RNF126: variants seen among roughly 807,000 people sequenced by gnomAD.
The protein encoded by RNF126 is E3 ubiquitin-protein ligase RNF126.
A neutral mutation model predicts 41.9 loss-of-function variants in RNF126; 20 were observed. The observed-to-expected ratio is 0.48, with a 90% confidence interval of 0.34 to 0.69. The LOEUF is 0.69. Ranked by LOEUF, RNF126 falls within the 30% of genes least tolerant of loss-of-function variation. The pLI is 0.01. For missense variants in RNF126, 433 were observed against 460.6 expected, an observed-to-expected ratio of 0.94 and a Z score of 0.55; for synonymous variants, 239 against 202.9, an observed-to-expected ratio of 1.18 and a Z score of -1.51.
At chr19:661,577 CTCTT>C (rs2030803664) in intron 1 of RNF126, among the ~76,000 whole-genome samples, 1 of 152,164 alleles carries the variant, frequency 6.6e-6, no homozygotes, top group Admixed American at 6.5e-5. Flanking sequence ...CCACACCTCT[CTCTT>C]TCCACTCCTG....
intron 2 of RNF126, 86 bp from the exon 3 acceptor site, chr19:652,382 G>C: frequency 8.2e-7 from 1 of 1,217,406 alleles, no homozygotes; most frequent in Non-Finnish European, 1.1e-6. Context: ...CCTATGTTGG[G>C]AGAGCAGGAA....
intron 1 of RNF126, among the ~76,000 whole-genome samples, chr19:656,071 G>C (rs543501560): frequency 7.9e-5 from 12 of 152,260 alleles, no homozygotes; most frequent in African/African-American, 2.9e-4. Flanking sequence ...GCAGGGCTGA[G>C]GTGGGTTCTT....
Position 652,103 on chromosome 19 carries a change from C to T in RNF126, c.198+130G>A, listed in dbSNP as rs189679508. 4.1e-4 allele frequency: 341 copies of T among 837,682 alleles called. No homozygotes were observed. In the East Asian group the frequency reaches 7.9e-3, roughly 19 times the overall value. 51.9% of individuals were successfully genotyped at this position (837,682 alleles called of 1,614,324 possible). A position where few individuals can be genotyped will look rare whatever the true frequency, so the allele number is the denominator to read the frequency against. ...GGGCCGCCCCAATCCCTGGCCCGGG[C>T]CCCTGGAGGGAAAAATTTCCTCCGC... On this transcript the variant is annotated intron_variant, in intron 3 of 8. Transcript: ENST00000292363.
Position 647,757 on chromosome 19 carries a change from T to C in RNF126, c.*371A>G. Reference sequence around the variant, plus strand: ...GCCGCTGAACCCCGTGCTTCAGCGCTGGGGGAGCCGCTGGGCCCCGTCTTC... The same window carrying C: ...GCCGCTGAACCCCGTGCTTCAGCGCCGGGGGAGCCGCTGGGCCCCGTCTTC... On this transcript the variant is annotated 3_prime_UTR_variant, in exon 9 of 9. Coordinates refer to ENST00000292363, the MANE Select transcript of RNF126 (RefSeq NM_194460.3). The C allele has an allele frequency of 2.9e-6, 1 of 341,880 alleles. No homozygotes were observed. The highest frequency in any genetic ancestry group is 5.7e-6 in the Non-Finnish European group (1 of 176,630). The allele number at this position is 341,880 out of a possible 1,614,324, so 21.2% of individuals were successfully genotyped here.
At position 648,094 on chromosome 19, in the gene RNF126, A is replaced by G. The variant is rs1390116419; in HGVS notation, c.*34T>C. 13 of 1,526,656 alleles carry G rather than the reference A, an allele frequency of 8.5e-6. No homozygotes were observed. The Admixed American group carries it at 2.5e-4, about 30-fold the overall frequency. The allele number at this position is 1,526,656 out of a possible 1,614,324, so 94.6% of individuals were successfully genotyped here. On this transcript the variant is annotated 3_prime_UTR_variant, in exon 9 of 9. Coordinates refer to ENST00000292363, the MANE Select transcript of RNF126 (RefSeq NM_194460.3). ...TGGCGCTGGCTGAGGGTGGGTGGGA[A>G]AGGCCCCGTGCTTTCCCGACGGCCG...
In RNF126 at chr19:652,877, A is replaced by T. The variant is rs751376878; in HGVS notation, c.83T>A (p.Ile28Asn). 8.7e-6 allele frequency: 14 copies of T among 1,612,628 alleles called. No homozygotes were observed. Among genetic ancestry groups the T allele is most frequent in the Admixed American group, 1.7e-5 (1 of 59,902 alleles). The change falls in exon 2 of 9, where the codon ATC (isoleucine) becomes AAC (asparagine). Residue 28 changes from isoleucine (I) to asparagine (N), a missense_variant. Physicochemically the swap from Ile to Asn is moderately radical, Grantham distance 149. Around this residue, in one of 5 missense-constraint regions of RNF126, gnomAD observed 247 missense variants for 224.7 expected, o/e 1.10. Transcript: ENST00000292363. ...AAAACCAGACTCGCATCTTGGACAG[A>T]TATAATCCTGCAGGAGAGAACAGGA... is the stretch of plus-strand genomic sequence containing the variant. ...VEIVPRLPDY[I>N]CPRCESGFIE...
At chr19:657,226 A>G (rs2030597179) in intron 1 of RNF126, among the ~76,000 whole-genome samples, 1 of 152,178 alleles carries the variant, frequency 6.6e-6, no homozygotes, top group African/African-American at 2.4e-5. Context: ...CTCCTGGACA[A>G]GCACGAGGCC....
intron 1 of RNF126, among the ~76,000 whole-genome samples, chr19:661,934 C>A (rs1221000567): frequency 6.6e-6 from 1 of 152,150 alleles, no homozygotes; most frequent in East Asian, 1.9e-4. Flanking sequence ...TGAGCCACCA[C>A]GCGCCTCAGT....
chr19:662,472 G>A lies in RNF126; in HGVS notation c.75+575C>T, dbSNP rs1041121889. Among the ~76,000 whole-genome samples the A allele has an allele frequency of 2.0e-5, 3 of 152,176 alleles. No homozygotes were observed. In the East Asian group the frequency reaches 5.8e-4, roughly 29 times the overall value. On this transcript the variant is annotated intron_variant, in intron 1 of 8. Coordinates refer to ENST00000292363, the MANE Select transcript of RNF126 (RefSeq NM_194460.3). ...CCGGCGGGCCGCGGTCGGACCCCGG[G>A]ACAGTGCCTGGGGCGTTCCGGGCCT... is the stretch of plus-strand genomic sequence containing the variant.
At chr19:648,848 A>G in intron 7 of RNF126, 34 bp downstream of exon 7, 1 of 1,287,298 alleles carries the variant, frequency 7.8e-7, no homozygotes, top group South Asian at 1.7e-5. Context: ...GGGTGCCTGT[A>G]ATTCCCACTA....
At chr19:656,582 A>G (rs969081893) in intron 1 of RNF126, among the ~76,000 whole-genome samples, 3 of 152,116 alleles carry the variant, frequency 2.0e-5, no homozygotes, top group African/African-American at 7.2e-5. Context: ...CGGCAGGCAG[A>G]GGTTGCAGTG....
rs900874653 is a variant in RNF126 at position 659,449 on chromosome 19, G to A, written c.75+3598C>T. On this transcript the variant is annotated intron_variant, in intron 1 of 8. Transcript: ENST00000292363. This position sits in a 1 kb window ranked among gnomAD's most constrained non-coding sequence, Gnocchi z 4.9. ...GACACTGCGGAGGTTGCAGGCGTTC[G>A]GGGGTGGGGGGTCGGCAGGCAGAGC... Among the ~76,000 whole-genome samples the A allele has an allele frequency of 3.9e-5, 6 of 152,276 alleles. No homozygotes were observed. Among genetic ancestry groups the A allele is most frequent in the South Asian group, 2.1e-4 (1 of 4,826 alleles).
intron 1 of RNF126, among the ~76,000 whole-genome samples, chr19:660,863 G>A (rs1013537993): frequency 6.6e-6 from 1 of 152,208 alleles, no homozygotes; most frequent in African/African-American, 2.4e-5. Context: ...ACACTGCCAT[G>A]CTGTCTACGG....
chr19:648,820 T>C, intron 7 of RNF126, 62 bp downstream of exon 7: 2 of 986,690 alleles, frequency 2.0e-6, no homozygotes, highest in Non-Finnish European at 2.9e-6. Flanking sequence ...AATACAAGTA[T>C]GAGCCAGGCG....
At chr19:652,995 C>T (rs2030396299) in intron 1 of RNF126, 111 bp from the exon 2 acceptor site, 17 of 1,024,948 alleles carry the variant, frequency 1.7e-5, no homozygotes, top group Non-Finnish European at 2.5e-5. Flanking sequence ...GCTGGCCAGG[C>T]ACACGCAGGC....
intron 1 of RNF126, among the ~76,000 whole-genome samples, chr19:662,462 C>G (rs979404939): frequency 6.6e-6 from 1 of 152,174 alleles, no homozygotes; most frequent in African/African-American, 2.4e-5. Context: ...GGGCCGCGGT[C>G]GGACCCCGGG....
At chr19:652,943 C>A (rs1056267762) in intron 1 of RNF126, 59 bp from the exon 2 acceptor site, 31 of 1,527,150 alleles carry the variant, frequency 2.0e-5, no homozygotes, top group East Asian at 2.3e-5. Flanking sequence ...GCAAACCCCC[C>A]CAAGTGTGAG....
At chr19:649,650 A>C in intron 6 of RNF126, 29 bp downstream of exon 6, 1 of 1,539,828 alleles carries the variant, frequency 6.5e-7, no homozygotes, top group East Asian at 2.4e-5. Flanking sequence ...CTCCCCCAGC[A>C]GGCACTCTGG....
chr19:652,130 G>A (rs1053972009), intron 3 of RNF126, 103 bp downstream of exon 3: 13 of 1,024,906 alleles, frequency 1.3e-5, no homozygotes, highest in African/African-American at 8.4e-5. Flanking sequence ...TTCCTCCGCC[G>A]TGCGGGCAGG....
Sources: allele counts gnomAD v4.1 joint callset (sites outside exome capture counted in the v4.1 genomes callset), GRCh38; gene constraint gnomAD v4.1.1; regional missense constraint gnomAD v4.1.1; non-coding constraint Gnocchi (gnomAD v3.1); transcripts MANE v1.5; gene names NCBI Gene and HGNC (gene_info 2026-07-23, HGNC 2026-07-21).